Variants in TPR observed in about 807,000 individuals in gnomAD.
TPR encodes translocated promoter region, nuclear basket protein.
Under a neutral mutation model 316.1 loss-of-function variants are expected in TPR, and 51 were observed. The observed-to-expected ratio is 0.16, with a 90% CI of 0.13 to 0.20. The LOEUF is 0.20. Ranked by LOEUF, TPR falls within the 10% of genes least tolerant of loss-of-function variation. TPR has a pLI of 1.00. For synonymous variants in TPR, 981 were observed against 914.7 expected (o/e 1.07, Z -1.31); for missense variants, 2,272 against 2,754.8 (o/e 0.82, Z 3.92).
In TPR at chr1:186,360,022, A is replaced by G. The variant is rs767911107; in HGVS notation, c.1192-26T>C. On this transcript the variant is annotated intron_variant, in intron 11 of 50. Transcript: ENST00000367478. ...CTGAAAGTAGACAAAGGGTTGTTTC[A>G]AATCTAACCATAACAACGCAAATAT... is the stretch of plus-strand genomic sequence containing the variant. The G allele has an allele frequency of 3.1e-6, 5 of 1,593,270 alleles. No individual in the cohort carries two copies. The South Asian group carries it at 5.7e-5, about 18-fold the overall frequency.
chr1:186,361,558 A>G, intron 9 of TPR, 64 bp downstream of exon 9: 1 of 1,501,608 alleles, frequency 6.7e-7, no homozygotes, highest in Non-Finnish European at 9.1e-7. Flanking sequence ...TATACAAAAC[A>G]AGGGTAAAAA....
rs1399665741 is a variant in TPR, at chr1:186,327,177, ATATATAAATATATAT to A, written c.5889+268_5889+282del. On this transcript the variant is annotated intron_variant, in intron 40 of 50. Transcript: ENST00000367478. ...TATAAATATATAACATATATATTATATATATAAATATATATTATATATTTATATATATAATATATA... is the reference window on the plus strand; with the variant it reads ...TATAAATATATAACATATATATTATATATATATTTATATATATAATATATA... Among the ~76,000 whole-genome samples the A allele has an allele frequency of 4.5e-4, 8 of 17,786 alleles. 2 individuals carry two copies. The highest frequency in any genetic ancestry group is 1.1e-3 in the Admixed American group (1 of 894). The allele number at this position is 17,786 out of a possible 152,430, so 11.7% of individuals were successfully genotyped here.
Position 186,312,722 on chromosome 1 carries a change from A to T in TPR, c.*1249T>A. 2 of 1,591,246 alleles carry T rather than the reference A, an allele frequency of 1.3e-6. No individual in the cohort carries two copies. Among genetic ancestry groups the T allele is most frequent in the Non-Finnish European group, 1.7e-6 (2 of 1,159,672 alleles). ...GATGTCTGGCTCTTTCCAAGATAGT[A>T]CATTGCCTTTTAATCTGGTATCTTT... On this transcript the variant is annotated 3_prime_UTR_variant, in exon 51 of 51. Coordinates refer to ENST00000367478, the MANE Select transcript of TPR (RefSeq NM_003292.3).
chr1:186,312,510 A>G lies in TPR; in HGVS notation c.*1461T>C. On this transcript the variant is annotated 3_prime_UTR_variant, in exon 51 of 51. Coordinates refer to ENST00000367478, the MANE Select transcript of TPR (RefSeq NM_003292.3). ...AAGCTTACTGATGAAAAACTCATCCACTTGCCTTAGTGAATAACCAAAGAC... is the reference window on the plus strand; with the variant it reads ...AAGCTTACTGATGAAAAACTCATCCGCTTGCCTTAGTGAATAACCAAAGAC... 2 of 928,396 alleles carry G rather than the reference A, an allele frequency of 2.2e-6. No homozygotes were observed. The highest frequency in any genetic ancestry group is 3.2e-6 in the Non-Finnish European group (2 of 626,208). 57.5% of individuals were successfully genotyped at this position (928,396 alleles called of 1,614,324 possible).
At chr1:186,351,500 C>A in intron 19 of TPR, 30 bp from the exon 20 acceptor site, 3 of 1,510,968 alleles carry the variant, frequency 2.0e-6, no homozygotes, top group Non-Finnish European at 2.6e-6. Flanking sequence ...TTTGGTTATG[C>A]TTAAGAAAAA....
intron 39 of TPR, among the ~76,000 whole-genome samples, chr1:186,330,779 A>C (rs142221599): frequency 1.9e-4 from 29 of 152,202 alleles, no homozygotes; most frequent in Admixed American, 5.9e-4. Context: ...CTATTTAGCC[A>C]CCCTGGGGGT....
intron 34 of TPR, 68 bp from the exon 35 acceptor site, chr1:186,335,197 A>C: frequency 1.9e-6 from 3 of 1,559,358 alleles, no homozygotes; most frequent in Non-Finnish European, 2.6e-6. Context: ...CCACAAAAAA[A>C]TTGTCATTAT....
intron 14 of TPR, among the ~76,000 whole-genome samples, chr1:186,357,084 C>T (rs1251511181): frequency 6.6e-6 from 1 of 152,066 alleles, no homozygotes; most frequent in African/African-American, 2.4e-5. Flanking sequence ...CTTACCCTGT[C>T]GTCCCACTTA....
At chr1:186,369,941 C>T (rs1659472809) in intron 3 of TPR, among the ~76,000 whole-genome samples, 1 of 151,810 alleles carries the variant, frequency 6.6e-6, no homozygotes, top group Non-Finnish European at 1.5e-5. Flanking sequence ...TGTGTGCACA[C>T]TATTTTCCTC....
chr1:186,351,240 T>C (rs1355129501), intron 20 of TPR, 90 bp downstream of exon 20: 2 of 1,390,586 alleles, frequency 1.4e-6, no homozygotes, highest in Non-Finnish European at 9.5e-7. Context: ...TTCAAAATCA[T>C]GCTTCATCTT....
intron 4 of TPR, among the ~76,000 whole-genome samples, chr1:186,366,630 C>T (rs1002378441): frequency 6.6e-6 from 1 of 152,116 alleles, no homozygotes; most frequent in Non-Finnish European, 1.5e-5. Flanking sequence ...TCAATTTCTA[C>T]AAATATATGA....
At position 186,373,564 on chromosome 1, in the gene TPR, G is replaced by A. The variant is rs947665355; in HGVS notation, c.152-101C>T. On this transcript the variant is annotated intron_variant, in intron 1 of 50. Transcript: ENST00000367478. ...TAATAACCTTGATTTTAAAACTTAA[G>A]ATACAGTATTAGAATTGTGCTCCAC... The A allele has an allele frequency of 8.8e-5, 59 of 673,430 alleles. 1 individual carries two copies. The highest frequency in any genetic ancestry group is 7.2e-4 in the African/African-American group (40 of 55,706). The allele number at this position is 673,430 out of a possible 1,614,324, so 41.7% of individuals were successfully genotyped here.
intron 42 of TPR, 147 bp downstream of exon 42, chr1:186,325,617 T>C: frequency 1.7e-6 from 1 of 593,904 alleles, no homozygotes; most frequent in East Asian, 2.9e-5. Context: ...AGACTTTTTA[T>C]GAGAGCACAA....
At chr1:186,364,234 T>C (rs752061419) in intron 4 of TPR, among the ~76,000 whole-genome samples, 1 of 152,152 alleles carries the variant, frequency 6.6e-6, no homozygotes. Context: ...CCACTAGTGA[T>C]GTTGGAAGTA....
At chr1:186,331,633 G>A in intron 38 of TPR, 52 bp from the exon 39 acceptor site, 2 of 1,229,630 alleles carry the variant, frequency 1.6e-6, no homozygotes, top group Non-Finnish European at 2.2e-6. Flanking sequence ...TAGATGAAGG[G>A]TTACCTGTTT....
chr1:186,356,436 G>T lies in TPR; in HGVS notation c.1738C>A (p.Gln580Lys), dbSNP rs2101980251. The T allele has an allele frequency of 6.2e-7, 1 of 1,608,348 alleles. No homozygotes were observed. The highest frequency in any genetic ancestry group is 8.5e-7 in the Non-Finnish European group (1 of 1,175,584). Residue 580 changes from glutamine to lysine, a missense_variant, in exon 15 of 51, where the codon CAG becomes AAG. Coordinates refer to ENST00000367478, the MANE Select transcript of TPR (RefSeq NM_003292.3). ...GTAAGGGCACTCTCAAGTTTGAGCT[G>T]AAGCTCAGTGATTCTGTAGAAAAAG... ...ETTSSKITEL[Q>K]LKLESALTEL...
intron 13 of TPR, 29 bp from the exon 14 acceptor site, chr1:186,357,652 A>G (rs1245455947): frequency 1.3e-6 from 2 of 1,581,640 alleles, no homozygotes; most frequent in Middle Eastern, 1.7e-4. Context: ...TATGTTATAA[A>G]ATAGTATTAG....
rs775061587 is a variant in TPR at position 186,340,880 on chromosome 1, G to A, written c.4020+148C>T. The A allele has an allele frequency of 4.2e-6, 4 of 943,290 alleles. No individual in the cohort carries two copies. In the African/African-American group the frequency reaches 5.0e-5, roughly 12 times the overall value. 58.4% of individuals were successfully genotyped at this position (943,290 alleles called of 1,614,324 possible). ...GGGTTATAAGTTTAACATCTGTCAC[G>A]TATTTACATGTATTAATAACATAAT... On this transcript the variant is annotated intron_variant, in intron 29 of 50. Coordinates refer to ENST00000367478, the MANE Select transcript of TPR (RefSeq NM_003292.3).
chr1:186,371,772 C>T (rs1237826633), intron 2 of TPR, among the ~76,000 whole-genome samples: 1 of 151,890 alleles, frequency 6.6e-6, no homozygotes, highest in Admixed American at 6.6e-5. Context: ...CAAAAAAATC[C>T]CCATTAAATG....
Sources: allele counts gnomAD v4.1 joint callset (sites outside exome capture counted in the v4.1 genomes callset), GRCh38; gene constraint gnomAD v4.1.1; transcripts MANE v1.5; gene names NCBI Gene and HGNC (gene_info 2026-07-23, HGNC 2026-07-21).